Variants in CGGBP1 observed in about 807,000 individuals in gnomAD.
CGGBP1 encodes CGG triplet repeat-binding protein 1.
A neutral mutation model predicts 11.4 loss-of-function variants in CGGBP1; 4 were observed. That is an observed-to-expected ratio of 0.35 (90% confidence interval 0.17 to 0.80). The LOEUF is 0.80. CGGBP1 is among the 30% of genes least tolerant of loss of function. The probability of loss-of-function intolerance (pLI) is 0.52; values close to 1 mark genes in which losing one functional copy is unlikely to be tolerated. For synonymous variants in CGGBP1, 76 were observed against 74.1 expected (o/e 1.03, Z -0.13); for missense variants, 135 against 202.1 (o/e 0.67, Z 2.01).
rs866828306 is a variant in CGGBP1 at position 88,055,683 on chromosome 3, T to G, written c.294A>C (p.Thr98=). ...AGTCCTGGATAACACTGACTTTCTCTGTTTGCGCAGTACTGTTGCACTGAA... is the reference window on the plus strand; with the variant it reads ...AGTCCTGGATAACACTGACTTTCTCGGTTTGCGCAGTACTGTTGCACTGAA... ...ASLQCNSTAQ[T]EKVSVIQDFV... is the part of the protein sequence containing the mutation. Residue 98 remains threonine, a synonymous_variant, in exon 4 of 4, where the codon ACA becomes ACC. Transcript: ENST00000482016. The surrounding 1 kb of genome is among the most constrained non-coding windows in gnomAD (Gnocchi z 4.2). The G allele has an allele frequency of 1.2e-5, 20 of 1,614,220 alleles. No individual in the cohort carries two copies. The Middle Eastern group carries it at 2.8e-3, about 226-fold the overall frequency.
chr3:88,140,002 G>A (rs772977960), intron 2 of CGGBP1: 7 of 1,613,628 alleles, frequency 4.3e-6, no homozygotes, highest in East Asian at 2.2e-5. Flanking sequence ...TTAAATGTGC[G>A]ACAAACAGTA....
At chr3:88,096,460 C>T (rs1015889904) in intron 2 of CGGBP1, among the ~76,000 whole-genome samples, 1 of 152,102 alleles carries the variant, frequency 6.6e-6, no homozygotes, top group Non-Finnish European at 1.5e-5. Flanking sequence ...CTCCTTCCTC[C>T]TGACTTCTGA....
rs1272368108 is a variant in CGGBP1 at position 88,105,881 on chromosome 3, G to T, written c.-229+35089C>A. Among the ~76,000 whole-genome samples, 3 of 152,288 alleles carry T rather than the reference G, an allele frequency of 2.0e-5. No individual in the cohort carries two copies. In the East Asian group the frequency reaches 5.8e-4, roughly 29 times the overall value. On this transcript the variant is annotated intron_variant, in intron 2 of 3. Coordinates refer to the CGGBP1 transcript ENST00000462901. Reference sequence around the variant, plus strand: ...TATTAAGAGGTGGGACCTTTGAGAGGTGATTAGGCCATGAGGGCCTGCCCT... The same window carrying T: ...TATTAAGAGGTGGGACCTTTGAGAGTTGATTAGGCCATGAGGGCCTGCCCT...
intron 2 of CGGBP1, among the ~76,000 whole-genome samples, chr3:88,096,774 A>G (rs7626777): frequency 0.78 from 119,056 of 151,940 alleles, 47,558 homozygotes; most frequent in South Asian, 0.91. Context: ...GGCGTATACA[A>G]TGAGATACCC....
chr3:88,140,515 CTG>C, intron 2 of CGGBP1: 1 of 1,613,736 alleles, frequency 6.2e-7, no homozygotes, highest in Non-Finnish European at 8.5e-7. Flanking sequence ...TCTGATGACA[CTG>C]TTTCAAATAT....
At chr3:88,135,379 G>A in intron 2 of CGGBP1, 1 of 408,930 alleles carries the variant, frequency 2.4e-6, no homozygotes, top group Non-Finnish European at 4.2e-6. Flanking sequence ...AACATGGGAG[G>A]CTGATTTATT....
chr3:88,077,595 C>T (rs755864587), intron 2 of CGGBP1, among the ~76,000 whole-genome samples: 3 of 152,082 alleles, frequency 2.0e-5, no homozygotes, highest in East Asian at 3.9e-4. Context: ...GAAAAACTTG[C>T]ATTTGTGGGA....
At chr3:88,105,579 T>TG (rs1704685860) in intron 2 of CGGBP1, among the ~76,000 whole-genome samples, 2 of 152,300 alleles carry the variant, frequency 1.3e-5, no homozygotes, top group South Asian at 4.1e-4. Context: ...ATTGTAATGT[T>TG]GCTAAATATG....
chr3:88,107,801 A>G (rs1404473944), intron 2 of CGGBP1, among the ~76,000 whole-genome samples: 1 of 151,974 alleles, frequency 6.6e-6, no homozygotes, highest in East Asian at 1.9e-4. Flanking sequence ...TTATTTCTGG[A>G]AGCATTTTGA....
intron 1 of CGGBP1, chr3:88,142,753 C>A (rs1385609987): frequency 6.6e-6 from 1 of 152,068 alleles, no homozygotes; most frequent in Non-Finnish European, 1.5e-5. Flanking sequence ...TGACTCTGGT[C>A]TGAACAGTAA....
chr3:88,104,744 A>T (rs1704629888), intron 2 of CGGBP1, among the ~76,000 whole-genome samples: 1 of 152,226 alleles, frequency 6.6e-6, no homozygotes, highest in South Asian at 2.1e-4. Context: ...AAAATTGCTC[A>T]GTCCCAAAGA....
chr3:88,111,799 TC>T (rs1210856067), intron 2 of CGGBP1, among the ~76,000 whole-genome samples: 1 of 151,986 alleles, frequency 6.6e-6, no homozygotes, highest in Admixed American at 6.6e-5. Flanking sequence ...GATTATCAGG[TC>T]CTGTTTCTAT....
chr3:88,083,529 T>C (rs1277828751), intron 2 of CGGBP1, among the ~76,000 whole-genome samples: 1 of 152,212 alleles, frequency 6.6e-6, no homozygotes, highest in Non-Finnish European at 1.5e-5. Flanking sequence ...CTTCTGGCCT[T>C]GGCTATTGCT....
intron 2 of CGGBP1, chr3:88,134,982 T>C: frequency 2.9e-6 from 3 of 1,044,630 alleles, no homozygotes; most frequent in Non-Finnish European, 3.8e-6. Context: ...CAGGGCACTA[T>C]AGAATCAGGG....
At chr3:88,141,228 T>A (rs1576360261) in intron 1 of CGGBP1, 1 of 741,880 alleles carries the variant, frequency 1.3e-6, no homozygotes, top group East Asian at 2.9e-5. Context: ...CTAATATTCC[T>A]GTTTTATAGA....
At chr3:88,126,579 CTTTTTTT>C (rs144091813) in intron 2 of CGGBP1, among the ~76,000 whole-genome samples, 2 of 81,774 alleles carry the variant, frequency 2.4e-5, no homozygotes, top group Admixed American at 1.4e-4. Flanking sequence ...GTAGAAACAT[CTTTTTTT>C]TTTTTTTTTT....
chr3:88,067,996 A>G (rs1707298075), intron 2 of CGGBP1, among the ~76,000 whole-genome samples: 1 of 152,100 alleles, frequency 6.6e-6, no homozygotes. Flanking sequence ...TATCTATATT[A>G]TAAGACCCCT....
chr3:88,136,103 A>G (rs1576350294), intron 2 of CGGBP1, among the ~76,000 whole-genome samples: 1 of 152,276 alleles, frequency 6.6e-6, no homozygotes, highest in South Asian at 2.1e-4. Flanking sequence ...CTTCCAGCAA[A>G]AGAGGAAAAC....
At chr3:88,143,580 C>T (rs1707225668) in intron 1 of CGGBP1, 1 of 152,216 alleles carries the variant, frequency 6.6e-6, no homozygotes. Flanking sequence ...AATATTTTAT[C>T]ACATTTTCCA....
Sources: gnomAD v4.1 joint callset for allele counts (sites outside exome capture counted in the v4.1 genomes callset) on GRCh38, gnomAD v4.1.1 for gene constraint, Gnocchi (gnomAD v3.1) non-coding constraint, MANE v1.5 for transcripts, NCBI Gene and HGNC (gene_info 2026-07-23, HGNC 2026-07-21) for gene names.